SMIM43: variants seen among roughly 807,000 people sequenced by gnomAD.
The protein encoded by SMIM43 is small integral membrane protein 43, also known as Nodal Enhanced MEsendoderm Peptide.
chr4:121,764,261 G>A (rs1356784359), intron 1 of SMIM43: 1 of 152,106 alleles, frequency 6.6e-6, no homozygotes, highest in Non-Finnish European at 1.5e-5. Flanking sequence ...ATATGAGTAA[G>A]GATCACCGGG....
chr4:121,763,853 T>G lies in SMIM43; in HGVS notation c.*117A>C, dbSNP rs1726203004. 1 of 152,164 alleles carries G rather than the reference T, an allele frequency of 6.6e-6. No homozygotes were observed. The highest frequency in any genetic ancestry group is 2.4e-5 in the African/African-American group (1 of 41,416). The allele number at this position is 152,164 out of a possible 1,614,324, so 9.4% of individuals were successfully genotyped here. On this transcript the variant is annotated 3_prime_UTR_variant, in exon 2 of 6. Transcript: ENST00000643802. Reference sequence around the variant, plus strand: ...GCAGCTGTGGTCCCCTGAGCACCAGTCAAGGGCAGCAGCTCGGCTCTAGAA... The same window carrying G: ...GCAGCTGTGGTCCCCTGAGCACCAGGCAAGGGCAGCAGCTCGGCTCTAGAA...
At chr4:121,760,570 C>T in intron 5 of SMIM43, 96 bp from the exon 6 acceptor site, 1 of 1,411,056 alleles carries the variant, frequency 7.1e-7, no homozygotes, top group Non-Finnish European at 9.3e-7. Context: ...CTGCCTCTAA[C>T]CTCCTTGTTC....
At chr4:121,762,908 A>C (rs1428394454) in intron 2 of SMIM43, 110 bp from the exon 3 acceptor site, 2 of 152,264 alleles carry the variant, frequency 1.3e-5, no homozygotes, top group Non-Finnish European at 2.9e-5. Flanking sequence ...CTTACAAACA[A>C]CTATAATTGC....
rs4508913 is a variant in SMIM43, at chr4:121,759,976, C to T, written c.*998G>A. ...AGGAAGTGCACAGGTACCCAGGGCC[C>T]TCTAGAAAATCCTGATGTGGGACAA... On this transcript the variant is annotated 3_prime_UTR_variant, in exon 6 of 6. Transcript: ENST00000643802. The T allele has an allele frequency of 0.084, 15,714 of 187,390 alleles. 1,062 individuals carry two copies. Among genetic ancestry groups the T allele is most frequent in the African/African-American group, 0.2 (8,378 of 42,532 alleles). 11.6% of individuals were successfully genotyped at this position (187,390 alleles called of 1,614,324 possible).
At chr4:121,760,634 C>T (rs1726010020) in intron 5 of SMIM43, among the ~76,000 whole-genome samples, 160 bp from the exon 6 acceptor site, 1 of 152,224 alleles carries the variant, frequency 6.6e-6, no homozygotes, top group East Asian at 1.9e-4. Flanking sequence ...CAGTCCAGAA[C>T]TTCCTATTCC....
chr4:121,760,610 T>C, intron 5 of SMIM43, 136 bp from the exon 6 acceptor site: 1 of 1,336,080 alleles, frequency 7.5e-7, no homozygotes, highest in Non-Finnish European at 9.6e-7. Context: ...CTCTAATTTA[T>C]TTAAGCCGCT....
Position 121,759,222 on chromosome 4 carries a change from A to G in SMIM43, c.*1752T>C, listed in dbSNP as rs1725922287. 6.6e-6 allele frequency: 1 copy of G among 152,238 alleles called. No individual in the cohort carries two copies. The allele number at this position is 152,238 out of a possible 1,614,324, so 9.4% of individuals were successfully genotyped here. The stretch of plus-strand genomic sequence containing the variant: ...ATTCCCAGGAGGTCATCCATTCACT[A>G]TACAGGAATATGTGCAATATATAGA... On this transcript the variant is annotated 3_prime_UTR_variant, in exon 6 of 6. Transcript: ENST00000643802.
chr4:121,760,478 G>A lies in SMIM43; in HGVS notation c.*500-4C>T. ...GCTGCGGGGACCATCTTGGAACCTG[G>A]AGGAAAAAGCCAAGGGAACCTCAGC... On this transcript the variant is annotated splice_region_variant and splice_polypyrimidine_tract_variant and intron_variant, in intron 5 of 5. Coordinates refer to ENST00000643802, the MANE Select transcript of SMIM43 (RefSeq NM_001384332.1). 2.0e-6 allele frequency: 3 copies of A among 1,532,136 alleles called. No individual in the cohort carries two copies. The highest frequency in any genetic ancestry group is 2.6e-6 in the Non-Finnish European group (3 of 1,140,320). The allele number at this position is 1,532,136 out of a possible 1,614,324, so 94.9% of individuals were successfully genotyped here.
intron 1 of SMIM43, 91 bp from the exon 2 acceptor site, chr4:121,763,963 A>G (rs1726209645): frequency 6.6e-6 from 1 of 152,156 alleles, no homozygotes; most frequent in Non-Finnish European, 1.5e-5. Context: ...TACTTAGGGC[A>G]TACTGGTACT....
chr4:121,764,151 T>G (rs1726222714), intron 1 of SMIM43: 1 of 152,270 alleles, frequency 6.6e-6, no homozygotes, highest in South Asian at 2.1e-4. Context: ...TAAGGCATCT[T>G]CCAAATGACT....
At chr4:121,765,306 A>G (rs1726300317), upstream of SMIM43, 2 of 360,320 alleles carry the variant, frequency 5.6e-6, no homozygotes, top group African/African-American at 4.2e-5. Context: ...TCCGGCGCAG[A>G]CTCTCCCAGC....
At chr4:121,762,969 C>G (rs748446642) in intron 2 of SMIM43, among the ~76,000 whole-genome samples, 171 bp from the exon 3 acceptor site, 11 of 152,164 alleles carry the variant, frequency 7.2e-5, no homozygotes, top group South Asian at 2.1e-4. Flanking sequence ...ACCATACAAC[C>G]TTTTAACTAA....
intron 4 of SMIM43, 66 bp downstream of exon 4, chr4:121,761,764 A>T (rs1726081708): frequency 6.2e-7 from 1 of 1,610,418 alleles, no homozygotes; most frequent in Non-Finnish European, 8.5e-7. Flanking sequence ...TGTGAGTGTG[A>T]TGTCATTCTC....
At chr4:121,763,575 T>C (rs753543110) in intron 2 of SMIM43, among the ~76,000 whole-genome samples, 189 bp downstream of exon 2, 1 of 152,186 alleles carries the variant, frequency 6.6e-6, no homozygotes, top group Admixed American at 6.5e-5. Context: ...CACTGATTCT[T>C]GCAATGAGTT....
At chr4:121,761,015 C>A (rs545952150) in intron 5 of SMIM43, among the ~76,000 whole-genome samples, 1 of 152,062 alleles carries the variant, frequency 6.6e-6, no homozygotes, top group Non-Finnish European at 1.5e-5. Flanking sequence ...TGGGAAGATG[C>A]TCATGACTCA....
At position 121,760,114 on chromosome 4, in the gene SMIM43, T is replaced by C; in HGVS notation, c.*860A>G. ...GCAGTGCTGCTTGGAGCTTTGACAG[T>C]TGTGAAGGAACTAGAGTTTTGATCT... On this transcript the variant is annotated 3_prime_UTR_variant, in exon 6 of 6. Coordinates refer to ENST00000643802, the MANE Select transcript of SMIM43 (RefSeq NM_001384332.1). 1 of 906,790 alleles carries C rather than the reference T, an allele frequency of 1.1e-6. No homozygotes were observed. Among genetic ancestry groups the C allele is most frequent in the Non-Finnish European group, 1.6e-6 (1 of 627,218 alleles). The allele number at this position is 906,790 out of a possible 1,614,324, so 56.2% of individuals were successfully genotyped here. A position where few individuals can be genotyped will look rare whatever the true frequency, so the allele number is the denominator to read the frequency against.
chr4:121,760,254 TCAAAGGCAG>T lies in SMIM43; in HGVS notation c.*711_*719del. 3 of 1,546,830 alleles carry T rather than the reference TCAAAGGCAG, an allele frequency of 1.9e-6. No homozygotes were observed. The highest frequency in any genetic ancestry group is 4.2e-5 in the Admixed American group (2 of 47,938). Reference sequence around the variant, plus strand: ...TTCATCAAGAGAAACTGGATTTTTGTCAAAGGCAGTTATATATCCAGCTACAAAAACTAC... The same window carrying T: ...TTCATCAAGAGAAACTGGATTTTTGTTTATATATCCAGCTACAAAAACTAC... On this transcript the variant is annotated 3_prime_UTR_variant, in exon 6 of 6. Transcript: ENST00000643802.
In SMIM43 at chr4:121,761,792, T is replaced by C. The variant is rs769090204; in HGVS notation, c.*341+38A>G. ...TCATTCTCATTCAACTTAAAATGGT[T>C]ATCTTGCCAAGTAGAACTGCAGATC... On this transcript the variant is annotated intron_variant, in intron 4 of 5. Coordinates refer to ENST00000643802, the MANE Select transcript of SMIM43 (RefSeq NM_001384332.1). 3 of 1,611,700 alleles carry C rather than the reference T, an allele frequency of 1.9e-6. No homozygotes were observed. In the South Asian group the frequency reaches 3.3e-5, roughly 18 times the overall value.
Position 121,760,467 on chromosome 4 carries a change from C to G in SMIM43, c.*507G>C. 1 of 1,539,770 alleles carries G rather than the reference C, an allele frequency of 6.5e-7. No individual in the cohort carries two copies. Among genetic ancestry groups the G allele is most frequent in the African/African-American group, 1.4e-5 (1 of 72,070 alleles). Reference sequence around the variant, plus strand: ...TCTTGTGGGGTGCTGCGGGGACCATCTTGGAACCTGGAGGAAAAAGCCAAG... The same window carrying G: ...TCTTGTGGGGTGCTGCGGGGACCATGTTGGAACCTGGAGGAAAAAGCCAAG... On this transcript the variant is annotated 3_prime_UTR_variant, in exon 6 of 6. Coordinates refer to ENST00000643802, the MANE Select transcript of SMIM43 (RefSeq NM_001384332.1).
Sources: allele counts gnomAD v4.1 joint callset (sites outside exome capture counted in the v4.1 genomes callset), GRCh38; gene constraint gnomAD v4.1.1; transcripts MANE v1.5; gene names NCBI Gene and HGNC (gene_info 2026-07-23, HGNC 2026-07-21).